DRICH1: variants seen among roughly 807,000 people sequenced by gnomAD.
The protein encoded by DRICH1 is aspartate-rich protein 1.
Under a neutral mutation model 39.5 loss-of-function variants are expected in DRICH1, and 38 were observed. That is an observed-to-expected ratio of 0.96 (90% confidence interval 0.74 to 1.26). The LOEUF (loss-of-function observed/expected upper bound fraction) is 1.26. DRICH1 is among the 50% of genes most tolerant of loss of function. The probability of loss-of-function intolerance (pLI) is 0.00; values close to 1 mark genes in which losing one functional copy is unlikely to be tolerated. For missense variants in DRICH1, 279 were observed against 270.4 expected, an observed-to-expected ratio of 1.03 and a Z score of -0.22; for synonymous variants, 84 against 99.5, an observed-to-expected ratio of 0.84 and a Z score of 0.93.
chr22:23,617,799 G>A (rs1447324623), intron 6 of DRICH1, 142 bp from the exon 7 acceptor site: 16 of 762,686 alleles, frequency 2.1e-5, no homozygotes, highest in Non-Finnish European at 3.3e-5. Flanking sequence ...TGGCAGAGGA[G>A]GGGAGCAGGC....
chr22:23,611,878 A>T lies in DRICH1; in HGVS notation c.685+1411T>A, dbSNP rs529293367. Reference sequence around the variant, plus strand: ...ACAGTAAAACAACACTTCTTTTTGGAGAACATTTTAAGTAATATGTTATAC... The same window carrying T: ...ACAGTAAAACAACACTTCTTTTTGGTGAACATTTTAAGTAATATGTTATAC... On this transcript the variant is annotated intron_variant, in intron 11 of 11. Transcript: ENST00000317749. Among the ~76,000 whole-genome samples the T allele has an allele frequency of 3.1e-4, 47 of 152,296 alleles. No homozygotes were observed. The South Asian group carries it at 9.1e-3, about 30-fold the overall frequency.
At chr22:23,628,806 T>G (rs1370532235) in intron 1 of DRICH1, among the ~76,000 whole-genome samples, 1 of 152,160 alleles carries the variant, frequency 6.6e-6, no homozygotes, top group Admixed American at 6.5e-5. Context: ...TGATTCCTGC[T>G]CTGCCCCCCC....
intron 3 of DRICH1, chr22:23,623,784 TG>T (rs1569094524): frequency 4.1e-6 from 1 of 241,598 alleles, no homozygotes; most frequent in Non-Finnish European, 6.7e-6. Context: ...GCTTCTAGCT[TG>T]GGGGCACCCA....
the DRICH1 span, among the ~76,000 whole-genome samples, chr22:23,592,870 ACACACAC>A: frequency 3.3e-5 from 5 of 150,944 alleles, no homozygotes; most frequent in Admixed American, 2.6e-4. Flanking sequence ...ACACACACAC[ACACACAC>A]ACAAAATTAG....
the DRICH1 span, among the ~76,000 whole-genome samples, chr22:23,588,751 C>CT: frequency 3.3e-5 from 5 of 152,198 alleles, no homozygotes; most frequent in Non-Finnish European, 5.9e-5. Context: ...TGAGTGATGG[C>CT]TGTCACTTCC....
rs537012748 is a variant in DRICH1, at chr22:23,627,926, C to CT, written c.209-1879dup. Among the ~76,000 whole-genome samples the CT allele has an allele frequency of 3.4e-3, 515 of 152,274 alleles. 2 individuals are homozygous for CT. The highest frequency in any genetic ancestry group is 0.012 in the African/African-American group (491 of 41,540). The stretch of plus-strand genomic sequence containing the variant: ...GTGTTCATTACAATGCCCATGGGGC[C>CT]TAACATGTTCTCCCCAGGACTGAGC... On this transcript the variant is annotated intron_variant, in intron 1 of 11. Transcript: ENST00000317749.
intron 6 of DRICH1, among the ~76,000 whole-genome samples, chr22:23,618,945 G>C (rs1460541900): frequency 6.6e-6 from 1 of 151,950 alleles, no homozygotes; most frequent in Admixed American, 6.6e-5. Flanking sequence ...AGGCCGAGGT[G>C]GGGGGATCAC....
At chr22:23,585,767 G>A in the DRICH1 span, among the ~76,000 whole-genome samples, 2 of 152,210 alleles carry the variant, frequency 1.3e-5, no homozygotes, top group South Asian at 2.1e-4. Flanking sequence ...TGATCCTCTC[G>A]CTTTGGCCTC....
At chr22:23,609,411 G>A (rs1034757615) in intron 11 of DRICH1, among the ~76,000 whole-genome samples, 4 of 152,188 alleles carry the variant, frequency 2.6e-5, no homozygotes, top group Admixed American at 6.5e-5. Context: ...GGGTACCCAG[G>A]AAGCCAGTTT....
intron 3 of DRICH1, chr22:23,623,855 T>A: frequency 1.4e-6 from 1 of 740,222 alleles, no homozygotes; most frequent in Non-Finnish European, 1.6e-6. Flanking sequence ...CAGAGTCAGC[T>A]GATCTTCAAT....
chr22:23,619,988 A>T (rs1233777633), intron 5 of DRICH1, among the ~76,000 whole-genome samples: 1 of 152,152 alleles, frequency 6.6e-6, no homozygotes, highest in Middle Eastern at 3.2e-3. Context: ...TCCCACACCA[A>T]AGACTCTGAG....
At chr22:23,616,108 CAAAT>C (rs1320958421) in intron 8 of DRICH1, among the ~76,000 whole-genome samples, 2 of 152,118 alleles carry the variant, frequency 1.3e-5, no homozygotes, top group African/African-American at 2.4e-5. Context: ...GAAAAACAGA[CAAAT>C]GAATGTGCTG....
chr22:23,621,470 C>G (rs376434226), intron 4 of DRICH1, among the ~76,000 whole-genome samples: 2 of 151,744 alleles, frequency 1.3e-5, no homozygotes, highest in Non-Finnish European at 2.9e-5. Context: ...ATGTGACACC[C>G]ACGAAGATTG....
In DRICH1 at chr22:23,613,765, G is replaced by C. The variant is rs1320812829; in HGVS notation, c.622-105C>G. On this transcript the variant is annotated intron_variant, in intron 9 of 11. Coordinates refer to ENST00000317749, the MANE Select transcript of DRICH1 (RefSeq NM_016449.4). Reference sequence around the variant, plus strand: ...CGATAAAAAACCAGAAGGCAGTATAGTGATTGAGCCATAGGTCAAAGTCCC... The same window carrying C: ...CGATAAAAAACCAGAAGGCAGTATACTGATTGAGCCATAGGTCAAAGTCCC... 8.4e-6 allele frequency: 7 copies of C among 834,342 alleles called. No homozygotes were observed. The Admixed American group carries it at 1.7e-4, about 20-fold the overall frequency. The allele number at this position is 834,342 out of a possible 1,614,324, so 51.7% of individuals were successfully genotyped here.
At chr22:23,584,083 G>A in the DRICH1 span, among the ~76,000 whole-genome samples, 4,031 of 152,280 alleles carry the variant, frequency 0.026, 194 homozygotes, top group African/African-American at 0.092. Context: ...GGGTCTGGCT[G>A]GATCCTGGGG....
downstream of DRICH1, chr22:23,606,996 AGGGGGTGTGG>A (rs1306873523): frequency 6.5e-6 from 1 of 152,814 alleles, no homozygotes; most frequent in African/African-American, 2.4e-5. Flanking sequence ...CCAGCATGGG[AGGGGGTGTGG>A]CCGGTCCACC....
chr22:23,598,770 T>A, the DRICH1 span, among the ~76,000 whole-genome samples: 1 of 152,238 alleles, frequency 6.6e-6, no homozygotes, highest in Non-Finnish European at 1.5e-5. Context: ...TGAGCATATC[T>A]GGTGCCTGGC....
At chr22:23,607,199 A>C (rs1926778500), downstream of DRICH1, 1 of 152,672 alleles carries the variant, frequency 6.5e-6, no homozygotes, top group South Asian at 2.1e-4. Flanking sequence ...GAAGGCGAGA[A>C]CAGGAGAAGC....
rs1227799935 is a variant in DRICH1 at position 23,619,349 on chromosome 22, G to C, written c.436+15C>G. ...GACTAACACACAATACTACACACAT[G>C]ATCTACAGACTCACAAGAACTGCTA... On this transcript the variant is annotated intron_variant, in intron 6 of 11. Coordinates refer to ENST00000317749, the MANE Select transcript of DRICH1 (RefSeq NM_016449.4). The C allele has an allele frequency of 5.1e-6, 4 of 780,524 alleles. No individual in the cohort carries two copies. The highest frequency in any genetic ancestry group is 1.7e-5 in the Admixed American group (1 of 59,000). 48.3% of individuals were successfully genotyped at this position (780,524 alleles called of 1,614,324 possible). A position where few individuals can be genotyped will look rare whatever the true frequency, so the allele number is the denominator to read the frequency against.
Sources: gnomAD v4.1 joint callset for allele counts (sites outside exome capture counted in the v4.1 genomes callset) on GRCh38, gnomAD v4.1.1 for gene constraint, MANE v1.5 for transcripts, NCBI Gene and HGNC (gene_info 2026-07-23, HGNC 2026-07-21) for gene names.